Variants in TARS2 observed in about 807,000 individuals in gnomAD.
TARS2 encodes threonine--tRNA ligase, mitochondrial.
Under a neutral mutation model 94.4 loss-of-function variants are expected in TARS2, and 61 were observed. That is an observed-to-expected ratio of 0.65 (90% CI 0.53 to 0.80). The LOEUF is 0.80. TARS2 is among the 30% of genes least tolerant of loss of function. The pLI is 0.00. For missense variants in TARS2, 704 were observed against 902.5 expected (o/e 0.78, Z 2.82); for synonymous variants, 359 against 353.4 (o/e 1.02, Z -0.18).
In TARS2 at chr1:150,497,528, A is replaced by G. The variant is rs748072588; in HGVS notation, c.1021-2A>G. On this transcript the variant is annotated splice_acceptor_variant, in intron 9 of 17. Coordinates refer to ENST00000369064, the MANE Select transcript of TARS2 (RefSeq NM_025150.5). LOFTEE classifies it high-confidence loss of function. Reference sequence around the variant, plus strand: ...CTTCCATGTCTGTACCCTCCTCTCCAGGCTGAGTATGCCCATCGTGGTTTC... The same window carrying G: ...CTTCCATGTCTGTACCCTCCTCTCCGGGCTGAGTATGCCCATCGTGGTTTC... 3 of 1,613,774 alleles carry G rather than the reference A, an allele frequency of 1.9e-6. No individual in the cohort carries two copies. The South Asian group carries it at 3.3e-5, about 18-fold the overall frequency.
intron 7 of TARS2, 140 bp from the exon 8 acceptor site, chr1:150,496,342 G>A: frequency 2.1e-6 from 2 of 945,778 alleles, no homozygotes; most frequent in South Asian, 3.8e-5. Flanking sequence ...TCTAGAGGAT[G>A]GAGGTGTTCA....
Position 150,504,890 on chromosome 1 carries a change from G to C in TARS2, c.1821-16G>C, listed in dbSNP as rs587719675. 8 of 1,614,072 alleles carry C rather than the reference G, an allele frequency of 5.0e-6. No individual in the cohort carries two copies. The highest frequency in any genetic ancestry group is 1.6e-4 in the Middle Eastern group (1 of 6,084). On this transcript the variant is annotated splice_polypyrimidine_tract_variant and intron_variant, in intron 15 of 17. Transcript: ENST00000369064. ...CAGAGTGACTAATTTGCCATCACCT[G>C]TTCTTTCCCTACCAGGCCACTGTGG...
At position 150,490,665 on chromosome 1, in the gene TARS2, T is replaced by C; in HGVS notation, c.452T>C (p.Leu151Pro). The change falls in exon 4 of 18, where the codon CTC (leucine) becomes CCC (proline). Residue 151 changes from leucine (L) to proline (P), a missense_variant. Physicochemically the swap from Leu to Pro is moderately conservative, Grantham distance 98. Transcript: ENST00000369064. ...AAAEQFLGAV[L>P]CRGPSTEYGF... is the part of the protein sequence containing the mutation. ...GCTGAACAATTCCTAGGTGCTGTTC[T>C]CTGCAGAGGTCCAAGTACAGAATAT... 2 of 1,614,024 alleles carry C rather than the reference T, an allele frequency of 1.2e-6. No individual in the cohort carries two copies. The highest frequency in any genetic ancestry group is 1.7e-6 in the Non-Finnish European group (2 of 1,180,006).
Position 150,498,603 on chromosome 1 carries a change from G to GC in TARS2, c.1340_1341insC (p.Leu448ThrfsTer11). Reference sequence around the variant, plus strand: ...GCCGAAGCCTCTGGTGGTCTGGGGGGACTGACCCGACTGCGGTGCTTCCAG... The same window carrying GC: ...GCCGAAGCCTCTGGTGGTCTGGGGGGCACTGACCCGACTGCGGTGCTTCCAG... On this transcript the variant is annotated frameshift_variant, in exon 11 of 18. Transcript: ENST00000369064. LOFTEE classifies it high-confidence loss of function. 2 of 1,612,308 alleles carry GC rather than the reference G, an allele frequency of 1.2e-6. No individual in the cohort carries two copies. The highest frequency in any genetic ancestry group is 8.5e-7 in the Non-Finnish European group (1 of 1,179,514).
In TARS2 at chr1:150,498,966, C is replaced by T. The variant is rs755786963; in HGVS notation, c.1471C>T (p.Arg491Cys). 43 of 1,614,100 alleles carry T rather than the reference C, an allele frequency of 2.7e-5. No homozygotes were observed. Among genetic ancestry groups the T allele is most frequent in the South Asian group, 5.5e-5 (5 of 91,092 alleles). The change falls in exon 12 of 18, where the codon CGC becomes TGC. Residue 491 changes from arginine to cysteine, a missense_variant. Physicochemically the swap from Arg to Cys is radical, Grantham distance 180. Transcript: ENST00000369064. ...SVYAVLGFSF[R>C]LALSTRPSGF... ...CTATGCCGTTCTTGGCTTCTCCTTC[C>T]GCCTGGCACTGTCCACCCGGCCATC... is the stretch of plus-strand genomic sequence containing the variant.
Position 150,506,947 on chromosome 1 carries a change from A to G in TARS2, c.2040A>G (p.Thr680=), listed in dbSNP as rs1383496898. 9 of 1,614,058 alleles carry G rather than the reference A, an allele frequency of 5.6e-6. No homozygotes were observed. Among genetic ancestry groups the G allele is most frequent in the Non-Finnish European group, 5.1e-6 (6 of 1,180,038 alleles). The change falls in exon 18 of 18, where the codon ACA becomes ACG. Residue 680 remains threonine, a synonymous_variant. Coordinates refer to ENST00000369064, the MANE Select transcript of TARS2 (RefSeq NM_025150.5). ...VVGQKEQSKR[T]VNIRTRDNRR... ...GCCAGAAAGAGCAAAGTAAGAGAAC[A>G]GTGAACATTCGGACTCGAGATAATC...
intron 7 of TARS2, among the ~76,000 whole-genome samples, chr1:150,494,747 A>G (rs918781399): frequency 4.0e-5 from 6 of 150,838 alleles, no homozygotes; most frequent in Admixed American, 4.0e-4. Flanking sequence ...CAAAAAATAT[A>G]CATATAGGGG....
At chr1:150,490,967 A>T (rs1669356473) in intron 4 of TARS2, among the ~76,000 whole-genome samples, 1 of 151,952 alleles carries the variant, frequency 6.6e-6, no homozygotes, top group Non-Finnish European at 1.5e-5. Flanking sequence ...AGGTGGAAGG[A>T]TCACTTGAGC....
At chr1:150,497,885 A>G (rs1570852952) in intron 10 of TARS2, 138 bp downstream of exon 10, 1 of 815,800 alleles carries the variant, frequency 1.2e-6, no homozygotes, top group Non-Finnish European at 1.9e-6. Flanking sequence ...TGAGGTCGGG[A>G]GTTTGAGACC....
At chr1:150,490,464 A>C in intron 3 of TARS2, 137 bp from the exon 4 acceptor site, 2 of 1,326,236 alleles carry the variant, frequency 1.5e-6, no homozygotes, top group Non-Finnish European at 2.0e-6. Flanking sequence ...CCCAAAATCT[A>C]GGATCCCCAT....
intron 7 of TARS2, among the ~76,000 whole-genome samples, chr1:150,493,310 A>G (rs940495672): frequency 6.6e-6 from 1 of 152,068 alleles, no homozygotes; most frequent in Non-Finnish European, 1.5e-5. Flanking sequence ...TGTCAGTATT[A>G]AGGGGGGTGG....
chr1:150,504,603 C>T (rs1469029240), intron 14 of TARS2, 29 bp from the exon 15 acceptor site: 1 of 1,606,616 alleles, frequency 6.2e-7, no homozygotes, highest in Admixed American at 1.7e-5. Context: ...TTCCACCATT[C>T]CATCCACCCC....
At chr1:150,505,474 G>A in intron 16 of TARS2, 117 bp from the exon 17 acceptor site, 1 of 913,532 alleles carries the variant, frequency 1.1e-6, no homozygotes, top group Non-Finnish European at 1.8e-6. Flanking sequence ...GAAGTGGAGA[G>A]CCCCGAGGCA....
chr1:150,490,771 G>A (rs764644597), intron 4 of TARS2, 46 bp downstream of exon 4: 2 of 1,611,048 alleles, frequency 1.2e-6, no homozygotes, highest in Admixed American at 1.7e-5. Flanking sequence ...GATGGTTTCT[G>A]AGGCTCTTTT....
rs1421362231 is a variant in TARS2 at position 150,507,280 on chromosome 1, A to G, written c.*216A>G. The G allele has an allele frequency of 1.7e-6, 1 of 588,876 alleles. No individual in the cohort carries two copies. The highest frequency in any genetic ancestry group is 2.8e-6 in the Non-Finnish European group (1 of 356,738). The allele number at this position is 588,876 out of a possible 1,614,324, so 36.5% of individuals were successfully genotyped here. A position where few individuals can be genotyped will look rare whatever the true frequency, so the allele number is the denominator to read the frequency against. Reference sequence around the variant, plus strand: ...GAGGAGAATGAAACTACAAAAAAAAATAAATTGGGCCAGGCGCAGTGGCTC... The same window carrying G: ...GAGGAGAATGAAACTACAAAAAAAAGTAAATTGGGCCAGGCGCAGTGGCTC... On this transcript the variant is annotated 3_prime_UTR_variant, in exon 18 of 18. Transcript: ENST00000369064.
At position 150,487,465 on chromosome 1, in the gene TARS2, G is replaced by A. The variant is rs375480908; in HGVS notation, c.15G>A (p.Gln5=). The change falls in exon 1 of 18, where the codon CAG becomes CAA. Residue 5 remains glutamine, a synonymous_variant. Coordinates refer to ENST00000369064, the MANE Select transcript of TARS2 (RefSeq NM_025150.5). ...TGTGAAGGAACATGGCCCTGTATCA[G>A]AGGTGGCGGTGTCTCCGGCTCCAAG... The part of the protein sequence containing the change: MALY[Q]RWRCLRLQGL... 6.2e-7 allele frequency: 1 copy of A among 1,614,250 alleles called. No individual in the cohort carries two copies. The highest frequency in any genetic ancestry group is 1.1e-5 in the South Asian group (1 of 91,090).
At chr1:150,501,423 T>C (rs936129836) in intron 13 of TARS2, among the ~76,000 whole-genome samples, 278 of 144,914 alleles carry the variant, frequency 1.9e-3, no homozygotes, top group Non-Finnish European at 2.9e-3. Flanking sequence ...ATTCACGCCA[T>C]TCTCCTGTCT....
chr1:150,499,044 A>T lies in TARS2; in HGVS notation c.1539+10A>T, dbSNP rs1219777611. ...GGACCAGGCCGAACAGGTGAGTAGG[A>T]GGTAGAGAAATAGAGGCAGATAAAC... is the stretch of plus-strand genomic sequence containing the variant. On this transcript the variant is annotated intron_variant, in intron 12 of 17. Coordinates refer to ENST00000369064, the MANE Select transcript of TARS2 (RefSeq NM_025150.5). The T allele has an allele frequency of 6.2e-7, 1 of 1,613,938 alleles. No individual in the cohort carries two copies. Among genetic ancestry groups the T allele is most frequent in the East Asian group, 2.2e-5 (1 of 44,872 alleles).
chr1:150,491,558 A>G (rs371797716), intron 5 of TARS2, 40 bp from the exon 6 acceptor site: 5 of 1,613,992 alleles, frequency 3.1e-6, no homozygotes, highest in African/African-American at 1.3e-5. Context: ...CTTTGTGGGA[A>G]TAAACACTTT....
Sources: allele counts gnomAD v4.1 joint callset (sites outside exome capture counted in the v4.1 genomes callset), GRCh38; gene constraint gnomAD v4.1.1; transcripts MANE v1.5; gene names NCBI Gene and HGNC (gene_info 2026-07-23, HGNC 2026-07-21).